Variants in BBS7 observed in about 807,000 individuals in gnomAD.
The protein encoded by BBS7 is BBSome complex member BBS7.
In BBS7, 50 loss-of-function variants were observed where a neutral mutation model predicts 90.3. That is an observed-to-expected ratio of 0.55 (90% CI 0.44 to 0.70). The LOEUF (loss-of-function observed/expected upper bound fraction) is 0.70, where lower values mean the gene tolerates loss of function less well. Ranked by LOEUF, BBS7 falls within the 30% of genes least tolerant of loss-of-function variation. The probability of loss-of-function intolerance (pLI) is 0.00; values close to 1 mark genes in which losing one functional copy is unlikely to be tolerated. For missense variants in BBS7, 729 were observed against 838.9 expected (o/e 0.87, Z 1.62); for synonymous variants, 235 against 287.4 (o/e 0.82, Z 1.85).
At chr4:121,855,764 ATATACGTATAAATG>A (rs1346574627) in intron 5 of BBS7, among the ~76,000 whole-genome samples, 2 of 150,894 alleles carry the variant, frequency 1.3e-5, no homozygotes, top group Non-Finnish European at 2.9e-5. Flanking sequence ...ATATACACAT[ATATACGTATAAATG>A]TATACATATA....
At position 121,829,540 on chromosome 4, in the gene BBS7, G is replaced by GAGCTACTGAGATTACAGGCGTA. The variant is rs1725077576; in HGVS notation, c.1677-813_1677-812insTACGCCTGTAATCTCAGTAGCT. ...CATGAGCTACTGAGATTACAGGCGT[G>GAGCTACTGAGATTACAGGCGTA]AGCCACCACGCCCGGCCAGGATCGT... On this transcript the variant is annotated intron_variant, in intron 15 of 18. Transcript: ENST00000264499. Among the ~76,000 whole-genome samples, 3 of 152,208 alleles carry GAGCTACTGAGATTACAGGCGTA rather than the reference G, an allele frequency of 2.0e-5. 1 individual carries two copies. Among genetic ancestry groups the GAGCTACTGAGATTACAGGCGTA allele is most frequent in the East Asian group, 3.9e-4 (2 of 5,194 alleles).
At chr4:121,855,596 A>G (rs904280529) in intron 5 of BBS7, 35 bp from the exon 6 acceptor site, 3 of 1,556,566 alleles carry the variant, frequency 1.9e-6, no homozygotes, top group Admixed American at 1.7e-5. Context: ...GAAACAGAAT[A>G]CAAACTGAAA....
At chr4:121,862,491 C>T (rs1727036073) in intron 3 of BBS7, among the ~76,000 whole-genome samples, 1 of 152,132 alleles carries the variant, frequency 6.6e-6, no homozygotes, top group Non-Finnish European at 1.5e-5. Context: ...ATTCACATCT[C>T]AGACTCATCA....
intron 3 of BBS7, 113 bp from the exon 4 acceptor site, chr4:121,861,792 A>G: frequency 1.0e-6 from 1 of 996,270 alleles, no homozygotes; most frequent in Non-Finnish European, 1.5e-6. Context: ...TAGTTCCACT[A>G]TATAGAAATA....
intron 2 of BBS7, among the ~76,000 whole-genome samples, 195 bp from the exon 3 acceptor site, chr4:121,863,474 A>T (rs535584276): frequency 5.9e-5 from 9 of 152,286 alleles, no homozygotes; most frequent in Admixed American, 2.0e-4. Flanking sequence ...GAGTCATTAG[A>T]AAAGTAATTG....
chr4:121,832,188 A>G (rs1560641536), intron 15 of BBS7, among the ~76,000 whole-genome samples: 1 of 152,012 alleles, frequency 6.6e-6, no homozygotes, highest in Non-Finnish European at 1.5e-5. Context: ...AGAAAATAAA[A>G]AAATTAGCTG....
chr4:121,858,796 G>A, intron 5 of BBS7, 196 bp downstream of exon 5: 1 of 575,124 alleles, frequency 1.7e-6, no homozygotes, highest in Non-Finnish European at 3.0e-6. Flanking sequence ...TTCCAAATAT[G>A]CTTCTCTTAA....
rs149880614 is a variant in BBS7, at chr4:121,843,947, A to C, written c.1285T>G (p.Phe429Val). 6.2e-7 allele frequency: 1 copy of C among 1,601,658 alleles called. No homozygotes were observed. The highest frequency in any genetic ancestry group is 8.5e-7 in the Non-Finnish European group (1 of 1,171,676). Residue 429 changes from phenylalanine to valine, a missense_variant, in exon 12 of 19, where the codon TTT (phenylalanine) becomes GTT (valine). By Grantham distance (50) the Phe-to-Val change is conservative. Coordinates refer to ENST00000264499, the MANE Select transcript of BBS7 (RefSeq NM_176824.3). ...DVDKNSAVVS[F>V]SSCDSESNDN... ...CTCACCTCAGAATCACAGCTGCTAA[A>C]GCTAACAACAGCAGAATTTTTATCC...
At chr4:121,853,166 A>T in intron 7 of BBS7, 80 bp from the exon 8 acceptor site, 1 of 1,477,372 alleles carries the variant, frequency 6.8e-7, no homozygotes, top group East Asian at 2.3e-5. Flanking sequence ...AATGAAAAAA[A>T]CACACATACC....
chr4:121,863,374 C>G (rs1727090000), intron 2 of BBS7, 95 bp from the exon 3 acceptor site: 1 of 1,119,202 alleles, frequency 8.9e-7, no homozygotes, highest in South Asian at 1.4e-5. Context: ...TTTATAAATA[C>G]TGACTTAATA....
chr4:121,827,965 A>G (rs1434139335), intron 18 of BBS7, 181 bp downstream of exon 18: 1 of 1,416,236 alleles, frequency 7.1e-7, no homozygotes, highest in East Asian at 2.5e-5. Flanking sequence ...TATTAAAAGT[A>G]GCTTGACAAA....
Position 121,833,403 on chromosome 4 carries a change from A to G in BBS7, c.1512-8T>C, listed in dbSNP as rs1436394001. On this transcript the variant is annotated splice_polypyrimidine_tract_variant and splice_region_variant and intron_variant, in intron 14 of 18. Coordinates refer to ENST00000264499, the MANE Select transcript of BBS7 (RefSeq NM_176824.3). ...GTCAGTGTATTCATGGGTCTGTAATATAATAGTAGAGGCGCACATTTATGT... is the reference window on the plus strand; with the variant it reads ...GTCAGTGTATTCATGGGTCTGTAATGTAATAGTAGAGGCGCACATTTATGT... 3.7e-6 allele frequency: 6 copies of G among 1,613,606 alleles called. No homozygotes were observed. The highest frequency in any genetic ancestry group is 3.4e-6 in the Non-Finnish European group (4 of 1,179,548).
rs1724987463 is a variant in BBS7, at chr4:121,828,023, CT to C, written c.2014+122del. The C allele has an allele frequency of 2.0e-6, 3 of 1,515,048 alleles. No individual in the cohort carries two copies. In the South Asian group the frequency reaches 4.1e-5, roughly 21 times the overall value. The allele number at this position is 1,515,048 out of a possible 1,614,324, so 93.9% of individuals were successfully genotyped here. ...AAATTTGTTGTCAACTGATTCATGA[CT>C]GGTTCATGAATCATGACTGATGTAA... is the stretch of plus-strand genomic sequence containing the variant. On this transcript the variant is annotated intron_variant, in intron 18 of 18. Transcript: ENST00000264499.
intron 2 of BBS7, among the ~76,000 whole-genome samples, chr4:121,864,703 T>C (rs1174739900): frequency 1.3e-5 from 2 of 152,230 alleles, no homozygotes; most frequent in Non-Finnish European, 2.9e-5. Flanking sequence ...AGTGCTAATC[T>C]AGTAGACTTA....
Position 121,828,385 on chromosome 4 carries a change from A to G in BBS7, c.1890+17T>C. 6.2e-7 allele frequency: 1 copy of G among 1,605,184 alleles called. No individual in the cohort carries two copies. The highest frequency in any genetic ancestry group is 1.1e-5 in the South Asian group (1 of 90,900). On this transcript the variant is annotated intron_variant, in intron 17 of 18. Transcript: ENST00000264499. ...TTCAAATAATAATCACCAGTCCACG[A>G]CGACACATGTACTTACTTTTAAAGC...
intron 7 of BBS7, among the ~76,000 whole-genome samples, chr4:121,853,656 T>C (rs549958108): frequency 2.0e-5 from 3 of 152,026 alleles, no homozygotes; most frequent in Non-Finnish European, 4.4e-5. Flanking sequence ...TAAATTATAA[T>C]AACTCTTCTA....
chr4:121,827,720 A>G, intron 18 of BBS7: 2 of 879,252 alleles, frequency 2.3e-6, no homozygotes, highest in Non-Finnish European at 2.7e-6. Context: ...AATTGACACA[A>G]CACAAATACT....
In BBS7 at chr4:121,833,407, T is replaced by A; in HGVS notation, c.1512-12A>T. The stretch of plus-strand genomic sequence containing the variant: ...GTGTATTCATGGGTCTGTAATATAA[T>A]AGTAGAGGCGCACATTTATGTGTGG... On this transcript the variant is annotated splice_polypyrimidine_tract_variant and intron_variant, in intron 14 of 18. Coordinates refer to ENST00000264499, the MANE Select transcript of BBS7 (RefSeq NM_176824.3). 6.2e-7 allele frequency: 1 copy of A among 1,613,218 alleles called. No individual in the cohort carries two copies. Among genetic ancestry groups the A allele is most frequent in the Non-Finnish European group, 8.5e-7 (1 of 1,179,224 alleles).
intron 2 of BBS7, among the ~76,000 whole-genome samples, chr4:121,865,100 C>T (rs866718794): frequency 6.6e-6 from 1 of 152,100 alleles, no homozygotes; most frequent in Non-Finnish European, 1.5e-5. Context: ...TTTACTTTAA[C>T]GTGACCAACT....
Sources: gnomAD v4.1 joint callset for allele counts (sites outside exome capture counted in the v4.1 genomes callset) on GRCh38, gnomAD v4.1.1 for gene constraint, MANE v1.5 for transcripts, NCBI Gene and HGNC (gene_info 2026-07-23, HGNC 2026-07-21) for gene names.